The following AEBP1 variants were observed in gnomAD, a reference collection of about 807,000 sequenced individuals.
AEBP1 encodes the protein adipocyte enhancer-binding protein 1.
AEBP1 carries 69 observed loss-of-function variants against 116.5 expected under a neutral mutation model. The observed-to-expected ratio is 0.59, with a 90% CI of 0.49 to 0.72. The LOEUF is 0.72. AEBP1 is among the 30% of genes least tolerant of loss of function. The pLI is 0.00. For missense variants in AEBP1, 1,444 were observed against 1,557.5 expected, an observed-to-expected ratio of 0.93 and a Z score of 1.23; for synonymous variants, 627 against 627.3, an observed-to-expected ratio of 1.00 and a Z score of 0.01.
chr7:44,105,460 ACC>A (rs1222028942), intron 1 of AEBP1, among the ~76,000 whole-genome samples: 1 of 152,116 alleles, frequency 6.6e-6, no homozygotes, highest in African/African-American at 2.4e-5. Context: ...GAAGCATTTA[ACC>A]CACGGCCTCT....
At position 44,108,921 on chromosome 7, in the gene AEBP1, T is replaced by A; in HGVS notation, c.963T>A (p.Pro321=). Residue 321 remains proline (P), a synonymous_variant, in exon 7 of 21, where the codon CCT becomes CCA. Transcript: ENST00000223357. This position sits in a 1 kb window ranked among gnomAD's most constrained non-coding sequence, Gnocchi z 5.0. The stretch of plus-strand genomic sequence containing the variant: ...TAGTGGACTATTACTTTGGGCCTCC[T>A]CCGCCCCAGAAGCCCGATGCTGAGC... ...YDDMDYYFGP[P]PPQKPDAERQ... The A allele has an allele frequency of 6.3e-7, 1 of 1,592,318 alleles. No homozygotes were observed. The highest frequency in any genetic ancestry group is 8.5e-7 in the Non-Finnish European group (1 of 1,170,282).
In AEBP1 at chr7:44,112,378, G is replaced by T; in HGVS notation, c.2217+57G>T. The stretch of plus-strand genomic sequence containing the variant: ...GGGAGCAGCTGGACCCTGGGGTCCT[G>T]GTGTTCTGGGCTTGGGGGTGGGGCT... On this transcript the variant is annotated intron_variant, in intron 17 of 20. Transcript: ENST00000223357. The surrounding 1 kb of genome is among the most constrained non-coding windows in gnomAD (Gnocchi z 6.6). 2 of 1,505,604 alleles carry T rather than the reference G, an allele frequency of 1.3e-6. No individual in the cohort carries two copies. Among genetic ancestry groups the T allele is most frequent in the South Asian group, 2.7e-5 (2 of 74,242 alleles). 93.3% of individuals were successfully genotyped at this position (1,505,604 alleles called of 1,614,324 possible).
chr7:44,109,890 G>A (rs1169134487), intron 9 of AEBP1, 125 bp from the exon 10 acceptor site: 3 of 847,946 alleles, frequency 3.5e-6, no homozygotes, highest in Non-Finnish European at 5.5e-6. Flanking sequence ...GCCACCAGCT[G>A]ACCAGAGCTG....
chr7:44,109,612 G>A, intron 9 of AEBP1: 1 of 586,548 alleles, frequency 1.7e-6, no homozygotes, highest in Non-Finnish European at 3.0e-6. Context: ...CTGGGGCCTT[G>A]GTGGGGAGTG....
rs1457106706 is a variant in AEBP1, at chr7:44,110,317, C to T, written c.1371C>T (p.Val457=). ...DTRRTTRFTG[V]ITQGRDSSIH... is the part of the protein sequence containing the mutation. ...GGAGGACTACCCGGTTCACAGGCGT[C>T]ATCACCCAGGGCAGAGACTCCAGCA... The change falls in exon 11 of 21, where the codon GTC becomes GTT. Residue 457 remains valine, a synonymous_variant. Transcript: ENST00000223357. 12 of 1,613,600 alleles carry T rather than the reference C, an allele frequency of 7.4e-6. No individual in the cohort carries two copies. Among genetic ancestry groups the T allele is most frequent in the Non-Finnish European group, 1.0e-5 (12 of 1,180,028 alleles).
chr7:44,106,317 G>A, intron 1 of AEBP1: 2 of 693,190 alleles, frequency 2.9e-6, no homozygotes, highest in Non-Finnish European at 2.6e-6. Flanking sequence ...CCTACGCTCA[G>A]TCTTTAGAGA....
rs2096234453 is a variant in AEBP1 at position 44,114,336 on chromosome 7, C to G, written c.*75C>G. Reference sequence around the variant, plus strand: ...ACTTCCCAAGCCTGCTGACCACAGTCACATCACCCATCAGCACATGGAAGG... The same window carrying G: ...ACTTCCCAAGCCTGCTGACCACAGTGACATCACCCATCAGCACATGGAAGG... On this transcript the variant is annotated 3_prime_UTR_variant, in exon 21 of 21. Transcript: ENST00000223357. 1 of 1,515,950 alleles carries G rather than the reference C, an allele frequency of 6.6e-7. No individual in the cohort carries two copies. The allele number at this position is 1,515,950 out of a possible 1,614,324, so 93.9% of individuals were successfully genotyped here. A position where few individuals can be genotyped will look rare whatever the true frequency, so the allele number is the denominator to read the frequency against.
At position 44,113,235 on chromosome 7, in the gene AEBP1, C is replaced by G. The variant is rs1245131398; in HGVS notation, c.2710-17C>G. 2.5e-6 allele frequency: 4 copies of G among 1,613,476 alleles called. No homozygotes were observed. Among genetic ancestry groups the G allele is most frequent in the Non-Finnish European group, 3.4e-6 (4 of 1,179,810 alleles). On this transcript the variant is annotated splice_polypyrimidine_tract_variant and intron_variant, in intron 19 of 20. Transcript: ENST00000223357. This position sits in a 1 kb window ranked among gnomAD's most constrained non-coding sequence, Gnocchi z 5.3. ...TGGACCTTCCTGAGGACCAGCAGCC[C>G]TCACCTGCTTCCCTAGGTGCACCGC...
chr7:44,113,688 T>C lies in AEBP1; in HGVS notation c.2904T>C (p.Asn968=). 6.2e-7 allele frequency: 1 copy of C among 1,613,974 alleles called. No individual in the cohort carries two copies. The highest frequency in any genetic ancestry group is 8.5e-7 in the Non-Finnish European group (1 of 1,179,968). ...EGYTPSAKTC[N]VDYDIGATQC... ...ACACCCCGAGCGCCAAGACCTGCAA[T>C]GTTGACTATGACATCGGGGCCACTC... Residue 968 remains asparagine, a synonymous_variant, in exon 21 of 21, where the codon AAT becomes AAC. Transcript: ENST00000223357. This position sits in a 1 kb window ranked among gnomAD's most constrained non-coding sequence, Gnocchi z 5.3.
chr7:44,105,578 C>A (rs2096222155), intron 1 of AEBP1, among the ~76,000 whole-genome samples: 1 of 152,082 alleles, frequency 6.6e-6, no homozygotes, highest in Admixed American at 6.5e-5. Context: ...AAGGCACCAT[C>A]CAACATTCCT....
intron 9 of AEBP1, chr7:44,109,741 C>T: frequency 3.5e-6 from 2 of 575,228 alleles, no homozygotes; most frequent in Non-Finnish European, 3.1e-6. Context: ...CGTGTGTCCC[C>T]TGAGAGCTGG....
chr7:44,112,768 G>A lies in AEBP1; in HGVS notation c.2428G>A (p.Ala810Thr). Reference protein sequence around the residue: ...VSEAQETPDHAIFRWLAISFA... With the variant: ...VSEAQETPDHTIFRWLAISFA... ...CGAGGCCCAGGAGACTCCAGACCAC[G>A]CCATCTTCCGGTGGCTTGCCATCTC... The change falls in exon 18 of 21, where the codon GCC (alanine) becomes ACC (threonine). Residue 810 changes from alanine to threonine, a missense_variant. Coordinates refer to ENST00000223357, the MANE Select transcript of AEBP1 (RefSeq NM_001129.5). The surrounding 1 kb of genome is among the most constrained non-coding windows in gnomAD (Gnocchi z 6.6). 1 of 1,612,898 alleles carries A rather than the reference G, an allele frequency of 6.2e-7. No homozygotes were observed. Among genetic ancestry groups the A allele is most frequent in the Non-Finnish European group, 8.5e-7 (1 of 1,179,976 alleles).
At position 44,114,477 on chromosome 7, in the gene AEBP1, T is replaced by C. The variant is rs2096234704; in HGVS notation, c.*216T>C. The stretch of plus-strand genomic sequence containing the variant: ...GAGGCTCCTGCTCCACCTGCCAGTC[T>C]CGTAAGAGATGGGGTTGCTGCAGTG... On this transcript the variant is annotated 3_prime_UTR_variant, in exon 21 of 21. Transcript: ENST00000223357. The C allele has an allele frequency of 1.6e-6, 1 of 640,990 alleles. No homozygotes were observed. The highest frequency in any genetic ancestry group is 2.7e-6 in the Non-Finnish European group (1 of 376,018). The allele number at this position is 640,990 out of a possible 1,614,324, so 39.7% of individuals were successfully genotyped here. A position where few individuals can be genotyped will look rare whatever the true frequency, so the allele number is the denominator to read the frequency against.
intron 12 of AEBP1, 37 bp downstream of exon 12, chr7:44,110,846 T>C: frequency 6.2e-7 from 1 of 1,609,304 alleles, no homozygotes; most frequent in Non-Finnish European, 8.5e-7. Flanking sequence ...TCTGCTCCCA[T>C]TGTCTGGGCG....
intron 11 of AEBP1, among the ~76,000 whole-genome samples, 187 bp from the exon 12 acceptor site, chr7:44,110,538 C>G (rs2096228214): frequency 6.6e-6 from 1 of 152,224 alleles, no homozygotes; most frequent in Admixed American, 6.5e-5. Context: ...CCTGATAGCA[C>G]ATGAGTTTAG....
Position 44,107,443 on chromosome 7 carries a change from G to A in AEBP1, c.600G>A (p.Ala200=), listed in dbSNP as rs1183531605. The change falls in exon 3 of 21, where the codon GCG becomes GCA. Residue 200 remains alanine (A), a synonymous_variant. Transcript: ENST00000223357. This position sits in a 1 kb window ranked among gnomAD's most constrained non-coding sequence, Gnocchi z 4.3. ...GPEELPQEGG[A]PLSNNWQNPG... is the part of the protein sequence containing the mutation. Reference sequence around the variant, plus strand: ...TCTGGAACTCCTGTGTTGCAGGGGCGCCCCTCTCAAATAACTGGCAGAATC... The same window carrying A: ...TCTGGAACTCCTGTGTTGCAGGGGCACCCCTCTCAAATAACTGGCAGAATC... 1.1e-5 allele frequency: 17 copies of A among 1,613,116 alleles called. No homozygotes were observed. Among genetic ancestry groups the A allele is most frequent in the African/African-American group, 4.0e-5 (3 of 74,928 alleles).
chr7:44,113,900 A>ACGC lies in AEBP1; in HGVS notation c.3118_3120dup (p.Ala1040dup). 1 of 1,613,244 alleles carries ACGC rather than the reference A, an allele frequency of 6.2e-7. No homozygotes were observed. Among genetic ancestry groups the ACGC allele is most frequent in the Non-Finnish European group, 8.5e-7 (1 of 1,179,956 alleles). The stretch of plus-strand genomic sequence containing the variant: ...GCACAGATGCGGCTGCGGCGCCTCA[A>ACGC]CGCCACCACCACCCTAGGCCCCCAC... On this transcript the variant is annotated inframe_insertion, in exon 21 of 21. Coordinates refer to ENST00000223357, the MANE Select transcript of AEBP1 (RefSeq NM_001129.5). This position sits in a 1 kb window ranked among gnomAD's most constrained non-coding sequence, Gnocchi z 5.3.
rs1290555640 is a variant in AEBP1, at chr7:44,111,418, G to A, written c.1717-89G>A. On this transcript the variant is annotated intron_variant, in intron 14 of 20. Transcript: ENST00000223357. The surrounding 1 kb of genome is among the most constrained non-coding windows in gnomAD (Gnocchi z 4.7). ...CGTGAAGGGGTCATGCCCGTCCCTCGCCATAGAGCAGGCCCTGGAAGTGGA... is the reference window on the plus strand; with the variant it reads ...CGTGAAGGGGTCATGCCCGTCCCTCACCATAGAGCAGGCCCTGGAAGTGGA... The A allele has an allele frequency of 4.1e-5, 60 of 1,481,458 alleles. 1 individual carries two copies. In the South Asian group the frequency reaches 6.6e-4, roughly 16 times the overall value. 91.8% of individuals were successfully genotyped at this position (1,481,458 alleles called of 1,614,324 possible).
intron 1 of AEBP1, among the ~76,000 whole-genome samples, chr7:44,105,282 G>A (rs2096221813): frequency 6.6e-6 from 1 of 152,214 alleles, no homozygotes. Context: ...CTCCCTGTTG[G>A]TGGCACAGCT....
Sources: gnomAD v4.1 joint callset for allele counts (sites outside exome capture counted in the v4.1 genomes callset) on GRCh38, gnomAD v4.1.1 for gene constraint, Gnocchi (gnomAD v3.1) non-coding constraint, MANE v1.5 for transcripts, NCBI Gene and HGNC (gene_info 2026-07-23, HGNC 2026-07-21) for gene names.